OXR1: variants seen among roughly 807,000 people sequenced by gnomAD.
The protein encoded by OXR1 is oxidation resistance protein 1.
Under a neutral mutation model 104.6 loss-of-function variants are expected in OXR1, and 41 were observed. The ratio of observed to expected loss-of-function variants is 0.39; its 90% CI spans 0.31 to 0.51. The LOEUF is 0.51. Ranked by LOEUF, OXR1 falls within the 20% of genes least tolerant of loss-of-function variation. The pLI is 0.77. For synonymous variants in OXR1, 348 were observed against 348.4 expected (o/e 1.00, Z 0.01); for missense variants, 955 against 1,031.9 (o/e 0.93, Z 1.02).
chr8:106,564,829 A>G (rs894680867), intron 3 of OXR1, among the ~76,000 whole-genome samples: 4 of 152,238 alleles, frequency 2.6e-5, no homozygotes, highest in Admixed American at 2.6e-4. Flanking sequence ...GGTTCAACAT[A>G]AGCAAATCAA....
intron 3 of OXR1, among the ~76,000 whole-genome samples, chr8:106,534,672 T>C (rs998085790): frequency 6.6e-6 from 1 of 152,202 alleles, no homozygotes; most frequent in Admixed American, 6.5e-5. Flanking sequence ...GTCAAGTTTG[T>C]TGGTCAGTTT....
intron 9 of OXR1, chr8:106,707,348 A>AG: frequency 1.5e-6 from 1 of 654,338 alleles, no homozygotes; most frequent in Non-Finnish European, 2.7e-6. Context: ...TGTACACATA[A>AG]TGAGCATCAT....
intron 14 of OXR1, among the ~76,000 whole-genome samples, chr8:106,741,975 T>C (rs1405819568): frequency 1.3e-5 from 2 of 152,182 alleles, no homozygotes; most frequent in Non-Finnish European, 2.9e-5. Context: ...TTAATTACTT[T>C]AAATAAAATC....
At chr8:106,346,212 C>T (rs1237701489) in intron 1 of OXR1, among the ~76,000 whole-genome samples, 5 of 151,840 alleles carry the variant, frequency 3.3e-5, no homozygotes, top group African/African-American at 1.2e-4. Context: ...TAAGTGTTAT[C>T]AGAAGATAAT....
At chr8:106,611,073 A>G (rs909247427) in intron 3 of OXR1, among the ~76,000 whole-genome samples, 3 of 152,218 alleles carry the variant, frequency 2.0e-5, no homozygotes, top group Non-Finnish European at 4.4e-5. Flanking sequence ...GATGGGTAGT[A>G]TCAGTTAGTG....
intron 2 of OXR1, among the ~76,000 whole-genome samples, chr8:106,492,816 C>G (rs1811181585): frequency 1.3e-5 from 2 of 152,194 alleles, no homozygotes. Context: ...CATATTAATG[C>G]TTACCAAATT....
At chr8:106,482,626 T>C (rs1488063938) in intron 2 of OXR1, among the ~76,000 whole-genome samples, 1 of 152,074 alleles carries the variant, frequency 6.6e-6, no homozygotes, top group Non-Finnish European at 1.5e-5. Context: ...AAATATGACT[T>C]TCCTTATTAC....
chr8:106,708,925 G>A (rs911290680), intron 9 of OXR1, among the ~76,000 whole-genome samples: 14 of 152,014 alleles, frequency 9.2e-5, no homozygotes, highest in South Asian at 4.1e-4. Context: ...TTAAAATACC[G>A]AATTTTCTTT....
rs1399331885 is a variant in OXR1 at position 106,501,337 on chromosome 8, A to G, written c.24-17606A>G. On this transcript the variant is annotated intron_variant, in intron 2 of 16. Coordinates refer to ENST00000517566, the MANE Select transcript of OXR1 (RefSeq NM_001198533.2). ...ACAGAAAGGAAAGTGTGAACAGAAC[A>G]GAGAGAGGGAGGAGGAGCATAGAGA... 3.9e-5 allele frequency among the ~76,000 whole-genome samples: 6 copies of G among 152,286 alleles called. No homozygotes were observed. In the East Asian group the frequency reaches 1.2e-3, roughly 29 times the overall value.
chr8:106,723,358 TGTG>T (rs1261659991), intron 11 of OXR1, among the ~76,000 whole-genome samples: 3 of 151,518 alleles, frequency 2.0e-5, no homozygotes, highest in African/African-American at 7.3e-5. Context: ...AATAGCCAGG[TGTG>T]GTGGTGGATG....
At chr8:106,428,624 T>TA (rs58317157) in intron 2 of OXR1, among the ~76,000 whole-genome samples, 3 of 151,082 alleles carry the variant, frequency 2.0e-5, no homozygotes, top group East Asian at 3.9e-4. Flanking sequence ...TTTTTTTTTT[T>TA]AAACATCTAG....
chr8:106,336,211 ACAGTTTCTC>A (rs1262792911), intron 1 of OXR1, among the ~76,000 whole-genome samples: 1 of 152,252 alleles, frequency 6.6e-6, no homozygotes, highest in African/African-American at 2.4e-5. Flanking sequence ...TAAAAGGATC[ACAGTTTCTC>A]CAGGTAAGGC....
intron 3 of OXR1, among the ~76,000 whole-genome samples, chr8:106,588,875 G>A (rs962265822): frequency 6.6e-6 from 1 of 152,164 alleles, no homozygotes; most frequent in African/African-American, 2.4e-5. Context: ...ACAATACTAG[G>A]CAGATTACTT....
chr8:106,567,737 G>C (rs971288766), intron 3 of OXR1, among the ~76,000 whole-genome samples: 1 of 152,088 alleles, frequency 6.6e-6, no homozygotes, highest in African/African-American at 2.4e-5. Flanking sequence ...ACCAAATAAA[G>C]GTAATGAAAA....
intron 2 of OXR1, among the ~76,000 whole-genome samples, chr8:106,515,059 C>G (rs1407501138): frequency 3.3e-5 from 5 of 152,002 alleles, no homozygotes; most frequent in Admixed American, 3.3e-4. Context: ...GGGATTTCAT[C>G]AGGTTCAACA....
chr8:106,349,472 A>G (rs908421291), intron 1 of OXR1, among the ~76,000 whole-genome samples: 1 of 152,166 alleles, frequency 6.6e-6, no homozygotes, highest in African/African-American at 2.4e-5. Flanking sequence ...AGTGACTTCA[A>G]GATATGTAGT....
intron 3 of OXR1, among the ~76,000 whole-genome samples, chr8:106,526,747 G>A (rs957381441): frequency 1.3e-5 from 2 of 152,188 alleles, no homozygotes; most frequent in Non-Finnish European, 2.9e-5. Context: ...TTTTCACTGT[G>A]TTAGCCAGGA....
chr8:106,440,640 C>G (rs1471041987), intron 2 of OXR1, among the ~76,000 whole-genome samples: 1 of 152,000 alleles, frequency 6.6e-6, no homozygotes, highest in African/African-American at 2.4e-5. Flanking sequence ...AGTTTCCACT[C>G]TCATTTTTTC....
intron 2 of OXR1, among the ~76,000 whole-genome samples, chr8:106,480,902 C>T (rs1181325854): frequency 6.6e-6 from 1 of 151,964 alleles, no homozygotes; most frequent in Non-Finnish European, 1.5e-5. Context: ...TGATTGAATA[C>T]TTCTCAAATG....
Sources: gnomAD v4.1 joint callset for allele counts (sites outside exome capture counted in the v4.1 genomes callset) on GRCh38, gnomAD v4.1.1 for gene constraint, MANE v1.5 for transcripts, NCBI Gene and HGNC (gene_info 2026-07-23, HGNC 2026-07-21) for gene names.